Variants in CD46 observed in about 807,000 individuals in gnomAD.
The protein encoded by CD46 is membrane cofactor protein.
In CD46, 30 loss-of-function variants were observed where a neutral mutation model predicts 53.3. That is an observed-to-expected ratio of 0.56 (90% CI 0.42 to 0.76). The LOEUF (loss-of-function observed/expected upper bound fraction) is 0.76. CD46 is among the 30% of genes least tolerant of loss of function. The probability of loss-of-function intolerance (pLI) is 0.00; values close to 1 mark genes in which losing one functional copy is unlikely to be tolerated. For synonymous variants in CD46, 142 were observed against 152.0 expected (o/e 0.93, Z 0.48); for missense variants, 409 against 463.0 (o/e 0.88, Z 1.07).
chr1:207,767,396 G>A (rs1484405714), intron 6 of CD46: 5 of 710,870 alleles, frequency 7.0e-6, no homozygotes, highest in Admixed American at 2.5e-5. Flanking sequence ...GTGATTTTTT[G>A]TGCTTTTCCA....
In CD46 at chr1:207,794,720, T is replaced by G. The variant is rs933411638; in HGVS notation, c.*1243T>G. ...ATGGAAGAAGTAAATATAGCTCAGGTAGCACTTTATACTCAGGCAGATCTC... is the reference window on the plus strand; with the variant it reads ...ATGGAAGAAGTAAATATAGCTCAGGGAGCACTTTATACTCAGGCAGATCTC... On this transcript the variant is annotated 3_prime_UTR_variant, in exon 13 of 13. Coordinates refer to ENST00000367042, the MANE Select transcript of CD46 (RefSeq NM_172351.3). The G allele has an allele frequency of 2.0e-5, 3 of 152,224 alleles. No individual in the cohort carries two copies. The highest frequency in any genetic ancestry group is 7.2e-5 in the African/African-American group (3 of 41,470). The allele number at this position is 152,224 out of a possible 1,614,324, so 9.4% of individuals were successfully genotyped here.
intron 5 of CD46, among the ~76,000 whole-genome samples, chr1:207,765,477 C>T (rs1656736401): frequency 6.6e-6 from 1 of 152,134 alleles, no homozygotes; most frequent in Admixed American, 6.5e-5. Flanking sequence ...GGAAGGAAAA[C>T]AGTGAGGATG....
intron 8 of CD46, among the ~76,000 whole-genome samples, chr1:207,773,894 T>G (rs1366906376): frequency 6.6e-6 from 1 of 152,216 alleles, no homozygotes; most frequent in Non-Finnish European, 1.5e-5. Flanking sequence ...AGATGATTAG[T>G]AGGTCTGCTT....
At chr1:207,767,898 T>G in intron 7 of CD46, 75 bp downstream of exon 7, 2 of 1,196,826 alleles carry the variant, frequency 1.7e-6, no homozygotes, top group Non-Finnish European at 2.5e-6. Flanking sequence ...ATCCTTCAAA[T>G]TTCTGGTGAT....
At chr1:207,763,493 C>G (rs774082004) in intron 5 of CD46, among the ~76,000 whole-genome samples, 40 of 152,322 alleles carry the variant, frequency 2.6e-4, no homozygotes, top group Non-Finnish European at 5.1e-4. Flanking sequence ...GTCTTGACAT[C>G]CCCACAGCCC....
In CD46 at chr1:207,761,326, G is replaced by A. The variant is rs368070719; in HGVS notation, c.553G>A (p.Asp185Asn). 98 of 1,613,014 alleles carry A rather than the reference G, an allele frequency of 6.1e-5. 1 individual carries two copies. Among genetic ancestry groups the A allele is most frequent in the Non-Finnish European group, 8.1e-5 (95 of 1,179,122 alleles). The stretch of plus-strand genomic sequence containing the variant: ...TGAAGTAGAAGTATTTGAGTATCTT[G>A]ATGCAGTAACTTATAGTTGTGATCC... ...FSEVEVFEYL[D>N]AVTYSCDPAP... Residue 185 changes from aspartate (D) to asparagine (N), a missense_variant, in exon 5 of 13, where the codon GAT becomes AAT. Coordinates refer to ENST00000367042, the MANE Select transcript of CD46 (RefSeq NM_172351.3).
chr1:207,786,516 A>G (rs918267082), intron 11 of CD46, among the ~76,000 whole-genome samples: 1 of 152,216 alleles, frequency 6.6e-6, no homozygotes, highest in Non-Finnish European at 1.5e-5. Context: ...GACTAAGATT[A>G]GGTGCTTTGA....
intron 8 of CD46, among the ~76,000 whole-genome samples, chr1:207,771,839 C>A (rs930442658): frequency 1.3e-5 from 2 of 152,136 alleles, no homozygotes; most frequent in Non-Finnish European, 2.9e-5. Flanking sequence ...TTGATGTCTC[C>A]AGCTTTGTTC....
At chr1:207,779,794 G>A (rs576621691) in intron 8 of CD46, among the ~76,000 whole-genome samples, 6 of 151,740 alleles carry the variant, frequency 4.0e-5, no homozygotes, top group South Asian at 2.1e-4. Flanking sequence ...TGAATAAGTT[G>A]TCTTCTCCCC....
intron 8 of CD46, among the ~76,000 whole-genome samples, chr1:207,772,320 C>CAT (rs753467667): frequency 3.3e-5 from 5 of 152,278 alleles, no homozygotes; most frequent in Non-Finnish European, 7.3e-5. Context: ...ATGGGGTTTT[C>CAT]TAAATATGCA....
intron 8 of CD46, among the ~76,000 whole-genome samples, chr1:207,778,270 G>A (rs1175384031): frequency 6.6e-6 from 1 of 152,098 alleles, no homozygotes; most frequent in Non-Finnish European, 1.5e-5. Flanking sequence ...CTTTTGCTGT[G>A]CAGAAGCTCT....
chr1:207,775,047 A>G (rs1657940958), intron 8 of CD46, among the ~76,000 whole-genome samples: 2 of 152,134 alleles, frequency 1.3e-5, no homozygotes, highest in Admixed American at 1.3e-4. Flanking sequence ...TGGTGTTTTC[A>G]CATAGTCCCA....
rs113348914 is a variant in CD46 at position 207,778,404 on chromosome 1, T to C, written c.944-4888T>C. On this transcript the variant is annotated intron_variant, in intron 8 of 12. Coordinates refer to ENST00000367042, the MANE Select transcript of CD46 (RefSeq NM_172351.3). ...ATATTGCCTAGGTTGTCTTCCAGGG[T>C]TTTTATAGTTTTGGGTTTTACATGC... Among the ~76,000 whole-genome samples, 43 of 152,278 alleles carry C rather than the reference T, an allele frequency of 2.8e-4. 1 individual carries two copies. Among genetic ancestry groups the C allele is most frequent in the African/African-American group, 1.0e-3 (43 of 41,548 alleles).
chr1:207,785,129 C>A, intron 10 of CD46, 23 bp downstream of exon 10: 1 of 1,565,330 alleles, frequency 6.4e-7, no homozygotes, highest in Non-Finnish European at 8.8e-7. Context: ...AATTTTGACA[C>A]CACTTAAGTC....
chr1:207,763,846 T>C (rs1244438950), intron 5 of CD46, among the ~76,000 whole-genome samples: 2 of 97,428 alleles, frequency 2.1e-5, no homozygotes, highest in African/African-American at 9.1e-5. Flanking sequence ...TATGATTTTT[T>C]GGTTTTTTTT....
chr1:207,783,082 A>T (rs1217263462), intron 8 of CD46, among the ~76,000 whole-genome samples: 2 of 152,144 alleles, frequency 1.3e-5, no homozygotes, highest in Non-Finnish European at 2.9e-5. Context: ...GGGGAGGAAG[A>T]AGAAAGATTA....
rs564267518 is a variant in CD46 at position 207,756,210 on chromosome 1, A to G, written c.98-804A>G. 1.9e-4 allele frequency among the ~76,000 whole-genome samples: 29 copies of G among 152,338 alleles called. 1 individual carries two copies. Among genetic ancestry groups the G allele is most frequent in the African/African-American group, 6.3e-4 (26 of 41,580 alleles). ...AGCAAAGGCACCAAGATGTGACACT[A>G]CTGGACTGCCAAGCTATTCAGTGTG... On this transcript the variant is annotated intron_variant, in intron 1 of 12. Coordinates refer to ENST00000367042, the MANE Select transcript of CD46 (RefSeq NM_172351.3).
chr1:207,793,944 T>A lies in CD46; in HGVS notation c.*467T>A, dbSNP rs953478028. On this transcript the variant is annotated 3_prime_UTR_variant, in exon 13 of 13. Coordinates refer to ENST00000367042, the MANE Select transcript of CD46 (RefSeq NM_172351.3). ...TTTGTAAAGAAAGTGGCTTGAAATC[T>A]TTTTTGTTCAAAGATTAATGCCAAC... 4.0e-6 allele frequency: 1 copy of A among 248,938 alleles called. No individual in the cohort carries two copies. The highest frequency in any genetic ancestry group is 2.2e-5 in the African/African-American group (1 of 44,960). 15.4% of individuals were successfully genotyped at this position (248,938 alleles called of 1,614,324 possible).
rs773780849 is a variant in CD46 at position 207,752,476 on chromosome 1, A to G, written c.97+167A>G. The stretch of plus-strand genomic sequence containing the variant: ...GGGGTATGTGGCGGGGAATGCGGGG[A>G]CCACGCAGAGCCCGAGGTGAAGCTT... On this transcript the variant is annotated intron_variant, in intron 1 of 12. Transcript: ENST00000367042. This position sits in a 1 kb window ranked among gnomAD's most constrained non-coding sequence, Gnocchi z 4.1. Among the ~76,000 whole-genome samples the G allele has an allele frequency of 2.0e-5, 3 of 151,942 alleles. No individual in the cohort carries two copies. The highest frequency in any genetic ancestry group is 2.9e-5 in the Non-Finnish European group (2 of 67,970).
Sources: allele counts gnomAD v4.1 joint callset (sites outside exome capture counted in the v4.1 genomes callset), GRCh38; gene constraint gnomAD v4.1.1; non-coding constraint Gnocchi (gnomAD v3.1); transcripts MANE v1.5; gene names NCBI Gene and HGNC (gene_info 2026-07-23, HGNC 2026-07-21).